Variants in CELF1 observed in about 807,000 individuals in gnomAD.
The protein encoded by CELF1 is CUGBP Elav-like family member 1, also known as 50 kDa nuclear polyadenylated RNA-binding protein.
Under a neutral mutation model 61.8 loss-of-function variants are expected in CELF1, and 10 were observed. The ratio of observed to expected loss-of-function variants is 0.16; its 90% CI spans 0.10 to 0.27. The LOEUF is 0.27. Among genes scored for constraint, CELF1 ranks in the 10% least tolerant of loss-of-function variants. The pLI, the probability that CELF1 is intolerant of heterozygous loss-of-function variation, is 1.00. For synonymous variants in CELF1, 236 were observed against 225.1 expected (o/e 1.05, Z -0.43); for missense variants, 380 against 639.1 (o/e 0.59, Z 4.37).
intron 14 of CELF1, 147 bp from the exon 15 acceptor site, chr11:47,472,504 A>G: frequency 1.2e-6 from 1 of 848,802 alleles, no homozygotes; most frequent in Admixed American, 2.6e-5. Flanking sequence ...TGTCATACGA[A>G]ATAAATTAGG....
intron 1 of CELF1, among the ~76,000 whole-genome samples, chr11:47,545,791 A>G (rs2096918231): frequency 6.6e-6 from 1 of 152,040 alleles, no homozygotes; most frequent in Non-Finnish European, 1.5e-5. Flanking sequence ...TCAGTCTTCC[A>G]AAGTGCTGGG....
chr11:47,529,227 G>A (rs1163129614), intron 1 of CELF1, among the ~76,000 whole-genome samples: 1 of 151,806 alleles, frequency 6.6e-6, no homozygotes, highest in East Asian at 1.9e-4. Flanking sequence ...ATAGCTCCTG[G>A]CTCCAGTTTC....
At chr11:47,475,039 CAG>C (rs2079374355) in intron 13 of CELF1, among the ~76,000 whole-genome samples, 1 of 152,218 alleles carries the variant, frequency 6.6e-6, no homozygotes, top group Non-Finnish European at 1.5e-5. Context: ...GACCTCCTAA[CAG>C]AAACATTCTT....
chr11:47,506,387 C>T (rs2094500680), intron 1 of CELF1, among the ~76,000 whole-genome samples: 1 of 151,944 alleles, frequency 6.6e-6, no homozygotes, highest in African/African-American at 2.4e-5. Context: ...CAAGATCGCG[C>T]CACTGCTCTC....
chr11:47,538,267 A>G (rs963351851), intron 1 of CELF1, among the ~76,000 whole-genome samples: 11 of 152,338 alleles, frequency 7.2e-5, no homozygotes, highest in African/African-American at 2.4e-4. Context: ...ATATCAAATA[A>G]TATCTTCTAG....
intron 2 of CELF1, among the ~76,000 whole-genome samples, chr11:47,562,981 G>T (rs1361801607): frequency 6.6e-6 from 1 of 152,076 alleles, no homozygotes; most frequent in Non-Finnish European, 1.5e-5. Flanking sequence ...CCAAAGTGCT[G>T]GGATTACAGG....
chr11:47,518,427 T>C (rs1224383825), intron 1 of CELF1, among the ~76,000 whole-genome samples: 1 of 152,218 alleles, frequency 6.6e-6, no homozygotes, highest in Admixed American at 6.5e-5. Flanking sequence ...CAGGGTGAGA[T>C]AATATGTCAA....
chr11:47,500,261 G>T (rs1435368345), intron 2 of CELF1, among the ~76,000 whole-genome samples: 1 of 151,484 alleles, frequency 6.6e-6, no homozygotes, highest in Non-Finnish European at 1.5e-5. Context: ...CTTTCTTGAT[G>T]TGCTATCTAA....
chr11:47,531,868 G>T (rs1002701770), intron 1 of CELF1, among the ~76,000 whole-genome samples: 1 of 152,060 alleles, frequency 6.6e-6, no homozygotes, highest in African/African-American at 2.4e-5. Context: ...GAACTAGCTT[G>T]TTCCAAATAT....
intron 1 of CELF1, among the ~76,000 whole-genome samples, chr11:47,518,765 G>C (rs140827287): frequency 0.013 from 1,989 of 152,204 alleles, 45 homozygotes; most frequent in African/African-American, 0.045. Flanking sequence ...CTCTTAGGCA[G>C]ACAGGCCCAA....
At chr11:47,473,421 C>T (rs115275150) in intron 13 of CELF1, among the ~76,000 whole-genome samples, 190 bp from the exon 14 acceptor site, 1 of 152,332 alleles carries the variant, frequency 6.6e-6, no homozygotes, top group African/African-American at 2.4e-5. Context: ...CAGATTCCTT[C>T]CCTCACATTC....
At chr11:47,496,637 GA>G (rs1156487267) in intron 3 of CELF1, among the ~76,000 whole-genome samples, 1 of 152,158 alleles carries the variant, frequency 6.6e-6, no homozygotes, top group Admixed American at 6.5e-5. Flanking sequence ...TAGGCAACTA[GA>G]AAAAGTGCTA....
intron 3 of CELF1, among the ~76,000 whole-genome samples, chr11:47,493,516 A>G (rs889076265): frequency 7.5e-6 from 1 of 132,934 alleles, no homozygotes; most frequent in African/African-American, 2.8e-5. Flanking sequence ...TCAAAAAGAA[A>G]AAAAAAAAAA....
intron 1 of CELF1, among the ~76,000 whole-genome samples, chr11:47,541,718 G>C (rs1314717757): frequency 1.5e-4 from 1 of 6,658 alleles, no homozygotes; most frequent in African/African-American, 3.5e-4. Context: ...AAGAAAGAAA[G>C]AAAGAAAGAA....
intron 3 of CELF1, 129 bp from the exon 4 acceptor site, chr11:47,489,153 C>T: frequency 1.2e-6 from 1 of 806,392 alleles, no homozygotes; most frequent in Non-Finnish European, 1.8e-6. Flanking sequence ...TTCACTACTT[C>T]CATTCAGTTT....
intron 1 of CELF1, among the ~76,000 whole-genome samples, chr11:47,534,986 A>G (rs2096591981): frequency 2.0e-5 from 3 of 150,108 alleles, no homozygotes; most frequent in East Asian, 1.9e-4. Flanking sequence ...TCAGAATTAG[A>G]AAAAAAAAAA....
chr11:47,481,622 G>A (rs1000424748), intron 9 of CELF1, among the ~76,000 whole-genome samples: 1 of 152,062 alleles, frequency 6.6e-6, no homozygotes, highest in Non-Finnish European at 1.5e-5. Context: ...CAAATCTAGT[G>A]GTTTCACCAT....
intron 1 of CELF1, among the ~76,000 whole-genome samples, chr11:47,518,964 A>C (rs2095707254): frequency 6.6e-6 from 1 of 152,220 alleles, no homozygotes. Context: ...GTTCTGTTGA[A>C]AAGCAGGAAA....
intron 1 of CELF1, among the ~76,000 whole-genome samples, chr11:47,548,017 C>T (rs1332192981): frequency 3.9e-5 from 6 of 151,984 alleles, no homozygotes; most frequent in South Asian, 4.2e-4. Flanking sequence ...ATGGTTAAAA[C>T]GGGCCGGGCA....
Sources: allele counts gnomAD v4.1 joint callset (sites outside exome capture counted in the v4.1 genomes callset), GRCh38; gene constraint gnomAD v4.1.1; transcripts MANE v1.5; gene names NCBI Gene and HGNC (gene_info 2026-07-23, HGNC 2026-07-21).